The following DTL variants were observed in gnomAD, a reference collection of about 807,000 sequenced individuals.
DTL encodes denticleless E3 ubiquitin protein ligase adapter.
DTL carries 46 observed loss-of-function variants against 87.0 expected under a neutral mutation model. That is an observed-to-expected ratio of 0.53 (90% CI 0.42 to 0.68). The LOEUF (loss-of-function observed/expected upper bound fraction) is 0.68, where lower values mean the gene tolerates loss of function less well. Among genes scored for constraint, DTL ranks in the 30% least tolerant of loss-of-function variants. The pLI is 0.00. For synonymous variants in DTL, 308 were observed against 311.2 expected, an observed-to-expected ratio of 0.99 and a Z score of 0.11; for missense variants, 737 against 869.4, an observed-to-expected ratio of 0.85 and a Z score of 1.91.
chr1:212,059,768 TAA>T (rs1486602357), intron 5 of DTL, among the ~76,000 whole-genome samples: 2 of 35,920 alleles, frequency 5.6e-5, no homozygotes, highest in Non-Finnish European at 1.3e-4. Context: ...TAGAAAAACT[TAA>T]AGACTCTACA....
rs777887476 is a variant in DTL at position 212,074,048 on chromosome 1, TA to T, written c.1035+1845del. 3.3e-4 allele frequency among the ~76,000 whole-genome samples: 49 copies of T among 150,384 alleles called. No individual in the cohort carries two copies. In the East Asian group the frequency reaches 7.4e-3, roughly 23 times the overall value. ...GTATCTTTTAAGGTTTGTTTCTTGT[TA>T]AAAAAAAAATTTTTTTTTCCAACAT... On this transcript the variant is annotated intron_variant, in intron 11 of 14. Coordinates refer to ENST00000366991, the MANE Select transcript of DTL (RefSeq NM_016448.4).
chr1:212,095,097 T>C (rs1655405768), intron 13 of DTL, among the ~76,000 whole-genome samples: 1 of 152,170 alleles, frequency 6.6e-6, no homozygotes, highest in African/African-American at 2.4e-5. Context: ...CTTTTCTGAC[T>C]GACTGTGGCT....
intron 2 of DTL, among the ~76,000 whole-genome samples, chr1:212,044,070 C>T (rs1465237916): frequency 2.0e-5 from 3 of 152,096 alleles, no homozygotes; most frequent in African/African-American, 7.2e-5. Flanking sequence ...GCCTAGGTGA[C>T]ATAGCGAGAC....
Position 212,042,998 on chromosome 1 carries a change from T to G in DTL, c.58T>G (p.Ser20Ala), listed in dbSNP as rs760553015. The G allele has an allele frequency of 6.2e-7, 1 of 1,602,876 alleles. No homozygotes were observed. The highest frequency in any genetic ancestry group is 1.1e-5 in the South Asian group (1 of 88,536). Residue 20 changes from serine to alanine, a missense_variant, in exon 2 of 15, where the codon TCT becomes GCT. Ser to Ala is a moderately conservative substitution (Grantham distance 99, BLOSUM62 1). Coordinates refer to ENST00000366991, the MANE Select transcript of DTL (RefSeq NM_016448.4). Reference sequence around the variant, plus strand: ...AAGGAATTATCTTGTTTTAGGATGGTCTTCACAATACCCTCTTCAATCCCT... The same window carrying G: ...AAGGAATTATCTTGTTTTAGGATGGGCTTCACAATACCCTCTTCAATCCCT... The part of the protein sequence containing the change: ...PQLGVLRNGW[S>A]SQYPLQSLLT...
chr1:212,097,675 C>T (rs145135586), intron 13 of DTL, among the ~76,000 whole-genome samples: 9 of 151,942 alleles, frequency 5.9e-5, no homozygotes, highest in Non-Finnish European at 1.0e-4. Context: ...TTCTCTGGTG[C>T]TTCCTTGAGT....
chr1:212,100,156 T>A (rs1655572237), intron 13 of DTL, 96 bp from the exon 14 acceptor site: 2 of 888,852 alleles, frequency 2.3e-6, no homozygotes, highest in Non-Finnish European at 3.4e-6. Context: ...AATTGACCCT[T>A]AGATGATTAG....
At chr1:212,064,460 G>A (rs150187410) in intron 6 of DTL, among the ~76,000 whole-genome samples, 128 of 152,192 alleles carry the variant, frequency 8.4e-4, no homozygotes, top group East Asian at 7.3e-3. Flanking sequence ...AATGACGTGC[G>A]TCCACCATTG....
At chr1:212,074,435 A>G (rs1654768966) in intron 11 of DTL, among the ~76,000 whole-genome samples, 1 of 152,138 alleles carries the variant, frequency 6.6e-6, no homozygotes, top group East Asian at 1.9e-4. Context: ...CCATTTTCAG[A>G]CAACCAATCA....
chr1:212,068,072 A>C, intron 8 of DTL, 152 bp from the exon 9 acceptor site: 1 of 562,338 alleles, frequency 1.8e-6, no homozygotes, highest in Non-Finnish European at 3.1e-6. Context: ...ACAGTATAAG[A>C]TACTTTAATT....
intron 1 of DTL, among the ~76,000 whole-genome samples, chr1:212,040,232 A>G (rs1301207181): frequency 6.6e-6 from 1 of 152,176 alleles, no homozygotes; most frequent in African/African-American, 2.4e-5. Context: ...CTAAGACACA[A>G]TAGGAATTTT....
intron 5 of DTL, among the ~76,000 whole-genome samples, 185 bp downstream of exon 5, chr1:212,047,602 G>A (rs185993036): frequency 0.011 from 1,645 of 152,084 alleles, 24 homozygotes; most frequent in African/African-American, 0.036. Flanking sequence ...GCGCCATCTC[G>A]GCTCACTGCT....
intron 13 of DTL, among the ~76,000 whole-genome samples, chr1:212,085,034 AGTT>A (rs1396273683): frequency 2.0e-5 from 3 of 152,242 alleles, no homozygotes; most frequent in Admixed American, 1.3e-4. Flanking sequence ...GTATATTAAT[AGTT>A]GTTGTACTAT....
At chr1:212,064,890 C>T (rs1430064720) in intron 6 of DTL, 27 bp from the exon 7 acceptor site, 1 of 1,568,110 alleles carries the variant, frequency 6.4e-7, no homozygotes, top group East Asian at 2.2e-5. Flanking sequence ...AATCCTGAAA[C>T]CTAAATTTCC....
chr1:212,039,846 G>A (rs1260653023), intron 1 of DTL, among the ~76,000 whole-genome samples: 1 of 152,218 alleles, frequency 6.6e-6, no homozygotes, highest in Non-Finnish European at 1.5e-5. Context: ...AACACCTGTG[G>A]AGGGTGCTTA....
intron 10 of DTL, among the ~76,000 whole-genome samples, chr1:212,070,610 C>CA (rs574962254): frequency 0.015 from 2,042 of 136,456 alleles, 32 homozygotes; most frequent in African/African-American, 0.042. Context: ...GACCCTGTCT[C>CA]AAAAAAAAAA....
intron 10 of DTL, among the ~76,000 whole-genome samples, chr1:212,070,966 G>A (rs1184027984): frequency 2.0e-5 from 3 of 152,178 alleles, no homozygotes; most frequent in African/African-American, 7.2e-5. Context: ...ATTCATAGTT[G>A]AGAGTTGAGG....
At chr1:212,046,809 A>G (rs1346874558) in intron 3 of DTL, among the ~76,000 whole-genome samples, 1 of 152,180 alleles carries the variant, frequency 6.6e-6, no homozygotes, top group East Asian at 1.9e-4. Flanking sequence ...TATACCCAGT[A>G]ATGGGATTGC....
rs1388924023 is a variant in DTL, at chr1:212,044,617, A to C, written c.179-43A>C. The C allele has an allele frequency of 3.1e-6, 4 of 1,298,670 alleles. No homozygotes were observed. The East Asian group carries it at 7.0e-5, about 23-fold the overall frequency. The allele number at this position is 1,298,670 out of a possible 1,614,324, so 80.4% of individuals were successfully genotyped here. ...GACTCCGTCTGAAAAAAAAAAAAAA[A>C]ATTGTGTTACTCTATATATTTTTTT... is the stretch of plus-strand genomic sequence containing the variant. On this transcript the variant is annotated intron_variant, in intron 2 of 14. Transcript: ENST00000366991.
intron 14 of DTL, among the ~76,000 whole-genome samples, chr1:212,101,806 A>C (rs1655633380): frequency 6.6e-6 from 1 of 152,224 alleles, no homozygotes; most frequent in South Asian, 2.1e-4. Flanking sequence ...TGATGGCAGA[A>C]ATAGGTTTGT....
Sources: gnomAD v4.1 joint callset for allele counts (sites outside exome capture counted in the v4.1 genomes callset) on GRCh38, gnomAD v4.1.1 for gene constraint, MANE v1.5 for transcripts, NCBI Gene and HGNC (gene_info 2026-07-23, HGNC 2026-07-21) for gene names.